The following OTUD7A variants were observed in gnomAD, a reference collection of about 807,000 sequenced individuals.
OTUD7A encodes the protein OTU domain-containing protein 7A.
In OTUD7A, 12 loss-of-function variants were observed where a neutral mutation model predicts 65.7. That is an observed-to-expected ratio of 0.18 (90% confidence interval 0.12 to 0.30). The LOEUF is 0.30. Among genes scored for constraint, OTUD7A ranks in the 10% least tolerant of loss-of-function variants. The probability of loss-of-function intolerance (pLI) is 1.00; values close to 1 mark genes in which losing one functional copy is unlikely to be tolerated. For missense variants in OTUD7A, 1,148 were observed against 1,304.8 expected (o/e 0.88, Z 1.85); for synonymous variants, 641 against 586.3 (o/e 1.09, Z -1.35).
chr15:31,733,398 G>A (rs1022285965), intron 1 of OTUD7A, among the ~76,000 whole-genome samples: 1 of 152,154 alleles, frequency 6.6e-6, no homozygotes, highest in African/African-American at 2.4e-5. Context: ...TGAATAAGCT[G>A]TTTCTTCTGC....
chr15:31,813,009 C>A (rs1896459716), intron 1 of OTUD7A, among the ~76,000 whole-genome samples: 1 of 152,226 alleles, frequency 6.6e-6, no homozygotes, highest in Non-Finnish European at 1.5e-5. Flanking sequence ...CAAGGCCAGG[C>A]CCTTCCCTGG....
intron 1 of OTUD7A, among the ~76,000 whole-genome samples, chr15:31,807,742 T>C (rs1384613916): frequency 6.6e-6 from 1 of 152,042 alleles, no homozygotes; most frequent in Non-Finnish European, 1.5e-5. Flanking sequence ...TATATTTGAT[T>C]AAGATGCTTT....
chr15:31,619,197 G>A (rs1890694257), intron 3 of OTUD7A, among the ~76,000 whole-genome samples: 1 of 152,228 alleles, frequency 6.6e-6, no homozygotes, highest in African/African-American at 2.4e-5. Context: ...ATGGTTTGAA[G>A]TCAGGTAGGG....
chr15:31,564,741 T>C (rs1226270221), intron 4 of OTUD7A, among the ~76,000 whole-genome samples: 1 of 152,034 alleles, frequency 6.6e-6, no homozygotes, highest in Admixed American at 6.6e-5. Flanking sequence ...AGACAGAGAT[T>C]CTTGGATTGG....
rs560086364 is a variant in OTUD7A at position 31,653,292 on chromosome 15, T to C, written c.151+1804A>G. Among the ~76,000 whole-genome samples the C allele has an allele frequency of 2.1e-4, 32 of 151,790 alleles. No individual in the cohort carries two copies. In the South Asian group the frequency reaches 5.8e-3, roughly 28 times the overall value. ...AGAAAAAACAAAGAAAAATTAAAAC[T>C]ATATTCACAAAATCCTGTTCTTAAA... On this transcript the variant is annotated intron_variant, in intron 3 of 12. Coordinates refer to ENST00000307050, the MANE Select transcript of OTUD7A (RefSeq NM_001382637.1).
At chr15:31,723,200 G>A (rs901173731) in intron 1 of OTUD7A, among the ~76,000 whole-genome samples, 5 of 152,202 alleles carry the variant, frequency 3.3e-5, no homozygotes, top group Non-Finnish European at 5.9e-5. Flanking sequence ...CGTGGCAAGG[G>A]ATTGAAACTG....
intron 1 of OTUD7A, among the ~76,000 whole-genome samples, chr15:31,702,399 A>G (rs1254718257): frequency 1.3e-5 from 2 of 149,030 alleles, no homozygotes; most frequent in Non-Finnish European, 3.0e-5. Flanking sequence ...TAGAACTAAG[A>G]AGTGACTACG....
At chr15:31,834,437 A>G (rs1897006911) in intron 1 of OTUD7A, among the ~76,000 whole-genome samples, 1 of 152,230 alleles carries the variant, frequency 6.6e-6, no homozygotes, top group South Asian at 2.1e-4. Context: ...AATCATGTTT[A>G]TTTAAAGTTT....
intron 3 of OTUD7A, among the ~76,000 whole-genome samples, chr15:31,621,351 A>G (rs1273380683): frequency 2.6e-5 from 4 of 152,118 alleles, no homozygotes; most frequent in African/African-American, 4.8e-5. Flanking sequence ...TGATCTGTCT[A>G]TCGTTGACAG....
intron 3 of OTUD7A, among the ~76,000 whole-genome samples, chr15:31,610,607 A>ATTTTTT (rs1395271113): frequency 1.8e-3 from 72 of 39,508 alleles, no homozygotes; most frequent in Non-Finnish European, 2.5e-3. Flanking sequence ...ATATATATAT[A>ATTTTTT]TATATATATA....
At chr15:31,720,670 G>T (rs1209772489) in intron 1 of OTUD7A, among the ~76,000 whole-genome samples, 3 of 152,118 alleles carry the variant, frequency 2.0e-5, no homozygotes, top group Non-Finnish European at 4.4e-5. Flanking sequence ...AAAATGCTGG[G>T]ATTACAGGCG....
chr15:31,484,403 C>G lies in OTUD7A; in HGVS notation c.1693G>C (p.Glu565Gln). The G allele has an allele frequency of 1.2e-6, 2 of 1,601,528 alleles. No homozygotes were observed. Among genetic ancestry groups the G allele is most frequent in the Middle Eastern group, 1.7e-4 (1 of 6,060 alleles). The change falls in exon 13 of 13, where the codon GAG becomes CAG. Residue 565 changes from glutamate (E) to glutamine (Q), a missense_variant. Physicochemically the swap from Glu to Gln is conservative, Grantham distance 29. Coordinates refer to ENST00000307050, the MANE Select transcript of OTUD7A (RefSeq NM_001382637.1). This position sits in a 1 kb window ranked among gnomAD's most constrained non-coding sequence, Gnocchi z 4.5. ...SANGKNGDSAERGKEKKAKSR... is the reference protein window; with the variant it reads ...SANGKNGDSAQRGKEKKAKSR... ...TTGGCCTTCTTCTCCTTGCCCCGCT[C>G]GGCCGAGTCCCCGTTCTTGCCATTG... is the stretch of plus-strand genomic sequence containing the variant.
At position 31,477,560 on chromosome 15, in the gene OTUD7A, G is replaced by C. The variant is rs913958795; in HGVS notation, c.*5734C>G. ...AACCATCTTGTACCCATAGGAGCCA[G>C]GTCACTGGGTCAGCTAAAGTTCTCA... is the stretch of plus-strand genomic sequence containing the variant. On this transcript the variant is annotated 3_prime_UTR_variant, in exon 13 of 13. Coordinates refer to ENST00000307050, the MANE Select transcript of OTUD7A (RefSeq NM_001382637.1). 1.3e-5 allele frequency: 2 copies of C among 152,184 alleles called. No individual in the cohort carries two copies. The highest frequency in any genetic ancestry group is 2.9e-5 in the Non-Finnish European group (2 of 68,042). 9.4% of individuals were successfully genotyped at this position (152,184 alleles called of 1,614,324 possible).
chr15:31,696,990 T>C lies in OTUD7A; in HGVS notation c.-99-39913A>G, dbSNP rs150108811. ...AACTTCTTCCCTGGGGGAACTATAA[T>C]TCTAAAATGTGTTCAAGTTTCCCAA... On this transcript the variant is annotated intron_variant, in intron 1 of 12. Coordinates refer to ENST00000307050, the MANE Select transcript of OTUD7A (RefSeq NM_001382637.1). Among the ~76,000 whole-genome samples the C allele has an allele frequency of 4.8e-3, 707 of 147,150 alleles. 2 individuals carry two copies. Among genetic ancestry groups the C allele is most frequent in the African/African-American group, 0.016 (585 of 37,478 alleles).
intron 10 of OTUD7A, among the ~76,000 whole-genome samples, chr15:31,494,905 A>G (rs4779536): frequency 0.37 from 56,468 of 152,128 alleles, 11,385 homozygotes; most frequent in African/African-American, 0.54. Flanking sequence ...GCATGGGAGC[A>G]TGGAGTCCTC....
intron 1 of OTUD7A, among the ~76,000 whole-genome samples, chr15:31,658,609 C>T (rs1471792275): frequency 6.6e-6 from 1 of 152,130 alleles, no homozygotes; most frequent in Non-Finnish European, 1.5e-5. Context: ...ATACAGGTCT[C>T]AGAGACCAAC....
intron 8 of OTUD7A, among the ~76,000 whole-genome samples, chr15:31,513,343 A>G (rs1194388079): frequency 6.6e-6 from 1 of 152,252 alleles, no homozygotes. Context: ...TGAACAGAAC[A>G]TCCTCCTACA....
At chr15:31,632,250 C>T (rs1290283021) in intron 3 of OTUD7A, among the ~76,000 whole-genome samples, 3 of 152,250 alleles carry the variant, frequency 2.0e-5, no homozygotes, top group South Asian at 2.1e-4. Context: ...ATGATGGTGA[C>T]GTACAGAAGG....
At position 31,854,912 on chromosome 15, in the gene OTUD7A, T is replaced by C. The variant is rs141934615; in HGVS notation, c.-100+15595A>G. ...ATGAAGAAATAAAAATTAAAATAAA[T>C]GGAATAGGGATGAAAACCATATTAG... On this transcript the variant is annotated intron_variant, in intron 1 of 12. Coordinates refer to ENST00000307050, the MANE Select transcript of OTUD7A (RefSeq NM_001382637.1). Among the ~76,000 whole-genome samples the C allele has an allele frequency of 4.0e-3, 602 of 150,718 alleles. 2 individuals carry two copies. The highest frequency in any genetic ancestry group is 6.1e-3 in the Non-Finnish European group (414 of 67,652).
Sources: gnomAD v4.1 joint callset for allele counts (sites outside exome capture counted in the v4.1 genomes callset) on GRCh38, gnomAD v4.1.1 for gene constraint, Gnocchi (gnomAD v3.1) non-coding constraint, MANE v1.5 for transcripts, NCBI Gene and HGNC (gene_info 2026-07-23, HGNC 2026-07-21) for gene names.